The following KIF6 variants were observed in gnomAD, a reference collection of about 807,000 sequenced individuals.
The protein encoded by KIF6 is kinesin family member 6.
Under a neutral mutation model 112.7 loss-of-function variants are expected in KIF6, and 106 were observed. The observed-to-expected ratio is 0.94, with a 90% CI of 0.80 to 1.11. The LOEUF is 1.11. Ranked by LOEUF, KIF6 falls within the 50% of genes least tolerant of loss-of-function variation. KIF6 has a pLI of 0.00. For missense variants in KIF6, 929 were observed against 964.0 expected (o/e 0.96, Z 0.48); for synonymous variants, 339 against 339.9 (o/e 1.00, Z 0.03).
intron 18 of KIF6, among the ~76,000 whole-genome samples, chr6:39,359,935 A>T (rs910841585): frequency 3.9e-5 from 6 of 152,220 alleles, no homozygotes; most frequent in Non-Finnish European, 8.8e-5. Context: ...CATAGAAATC[A>T]AGGTAAAAGA....
intron 9 of KIF6, among the ~76,000 whole-genome samples, chr6:39,580,366 G>T (rs1173944915): frequency 6.6e-6 from 1 of 151,870 alleles, no homozygotes; most frequent in Non-Finnish European, 1.5e-5. Context: ...GAAACTTTGG[G>T]GGTTCTATTT....
At chr6:39,721,662 CA>C in intron 1 of KIF6, among the ~76,000 whole-genome samples, 1 of 152,232 alleles carries the variant, frequency 6.6e-6, no homozygotes, top group African/African-American at 2.4e-5. Flanking sequence ...GACCAGCCAC[CA>C]CTTTCAGAAT....
chr6:39,448,895 C>A (rs547952446), intron 13 of KIF6, among the ~76,000 whole-genome samples: 1 of 152,320 alleles, frequency 6.6e-6, no homozygotes, highest in East Asian at 1.9e-4. Flanking sequence ...TTTCATGCTC[C>A]ATTCTAAGCT....
intron 3 of KIF6, among the ~76,000 whole-genome samples, chr6:39,645,101 C>A (rs186685857): frequency 5.3e-5 from 8 of 152,056 alleles, no homozygotes; most frequent in African/African-American, 1.9e-4. Flanking sequence ...ATAAATCAAC[C>A]CTTTATAAAC....
intron 10 of KIF6, among the ~76,000 whole-genome samples, chr6:39,571,293 C>T (rs578101273): frequency 1.3e-5 from 2 of 152,280 alleles, no homozygotes; most frequent in East Asian, 3.9e-4. Context: ...TCTCTTCCCT[C>T]ATCCTCACTC....
At chr6:39,692,479 T>C (rs1006368503) in intron 3 of KIF6, among the ~76,000 whole-genome samples, 4 of 152,204 alleles carry the variant, frequency 2.6e-5, no homozygotes, top group Non-Finnish European at 5.9e-5. Context: ...TCTGGTTTTG[T>C]TTGAGGTCAC....
intron 5 of KIF6, among the ~76,000 whole-genome samples, chr6:39,623,769 G>A (rs1449305236): frequency 6.6e-6 from 1 of 152,136 alleles, no homozygotes; most frequent in Non-Finnish European, 1.5e-5. Context: ...TAGGCTAACT[G>A]CTACGGAAGT....
At chr6:39,556,196 C>T (rs1779702288) in intron 10 of KIF6, among the ~76,000 whole-genome samples, 1 of 152,134 alleles carries the variant, frequency 6.6e-6, no homozygotes, top group Admixed American at 6.5e-5. Flanking sequence ...TTTCTGTAGG[C>T]AAACACTGTT....
At chr6:39,681,143 A>G (rs1454239148) in intron 3 of KIF6, among the ~76,000 whole-genome samples, 2 of 152,218 alleles carry the variant, frequency 1.3e-5, no homozygotes, top group Non-Finnish European at 2.9e-5. Flanking sequence ...AACTCAAGAC[A>G]TTTTTATACT....
At chr6:39,546,172 C>G (rs987881330) in intron 10 of KIF6, among the ~76,000 whole-genome samples, 19 of 152,206 alleles carry the variant, frequency 1.2e-4, no homozygotes, top group Admixed American at 4.6e-4. Context: ...TGCCACTACT[C>G]TTTCACTCTC....
intron 19 of KIF6, among the ~76,000 whole-genome samples, chr6:39,351,677 A>G (rs1477657033): frequency 6.6e-6 from 1 of 152,194 alleles, no homozygotes; most frequent in Non-Finnish European, 1.5e-5. Flanking sequence ...AGCCAAAGGA[A>G]AAATGAGAGA....
At chr6:39,495,596 G>C (rs1775737496) in intron 13 of KIF6, among the ~76,000 whole-genome samples, 1 of 152,210 alleles carries the variant, frequency 6.6e-6, no homozygotes, top group South Asian at 2.1e-4. Context: ...AAATAAAAGA[G>C]GTGGGGTGGT....
intron 13 of KIF6, among the ~76,000 whole-genome samples, chr6:39,469,788 C>T (rs1213121593): frequency 6.6e-6 from 1 of 152,060 alleles, no homozygotes; most frequent in African/African-American, 2.4e-5. Flanking sequence ...CAACTAACAA[C>T]AGAGTTCCAA....
chr6:39,510,872 C>CAAAAAAAAAAAAAAAAAAAAAAA (rs1180631310), intron 13 of KIF6, among the ~76,000 whole-genome samples: 1 of 23,858 alleles, frequency 4.2e-5, no homozygotes, highest in Non-Finnish European at 7.4e-5. Context: ...AAATGGGAAG[C>CAAAAAAAAAAAAAAAAAAAAAAA]AAAAAAAAAA....
At chr6:39,554,013 G>A (rs1779546252) in intron 10 of KIF6, 1 of 155,454 alleles carries the variant, frequency 6.4e-6, no homozygotes, top group African/African-American at 2.4e-5. Context: ...GTATTGGAAG[G>A]CATAGGGCTA....
intron 13 of KIF6, 28 bp from the exon 14 acceptor site, chr6:39,431,189 C>A: frequency 7.8e-7 from 1 of 1,275,876 alleles, no homozygotes; most frequent in South Asian, 1.2e-5. Context: ...GAAATGGCCT[C>A]AGTCACAGCA....
chr6:39,418,258 G>A (rs1162814479), intron 15 of KIF6, among the ~76,000 whole-genome samples: 2 of 152,132 alleles, frequency 1.3e-5, no homozygotes, highest in African/African-American at 4.8e-5. Flanking sequence ...GTCAAGAAAG[G>A]GGTTTGAAAT....
intron 5 of KIF6, chr6:39,617,835 TA>T: frequency 2.3e-6 from 1 of 436,202 alleles, no homozygotes; most frequent in Non-Finnish European, 4.6e-6. Flanking sequence ...CAGGCTCTTC[TA>T]AATAACTAGA....
chr6:39,385,361 T>G (rs1767322658), intron 16 of KIF6, among the ~76,000 whole-genome samples: 3 of 150,048 alleles, frequency 2.0e-5, no homozygotes, highest in East Asian at 2.0e-4. Flanking sequence ...GGATGTGGGG[T>G]GGGAAAGGAG....
Sources: allele counts gnomAD v4.1 joint callset (sites outside exome capture counted in the v4.1 genomes callset), GRCh38; gene constraint gnomAD v4.1.1; transcripts MANE v1.5; gene names NCBI Gene and HGNC (gene_info 2026-07-23, HGNC 2026-07-21).